The following EEFSEC variants were observed in gnomAD, a reference collection of about 807,000 sequenced individuals.
The protein encoded by EEFSEC is selenocysteine-specific elongation factor.
In EEFSEC, 43 loss-of-function variants were observed where a neutral mutation model predicts 42.1. That is an observed-to-expected ratio of 1.02 (90% CI 0.80 to 1.32). The LOEUF (loss-of-function observed/expected upper bound fraction) is 1.32, where lower values mean the gene tolerates loss of function less well. Among genes scored for constraint, EEFSEC ranks in the 40% most tolerant of loss-of-function variants. The pLI is 0.00. For missense variants in EEFSEC, 745 were observed against 803.6 expected, an observed-to-expected ratio of 0.93 and a Z score of 0.88; for synonymous variants, 354 against 339.1, an observed-to-expected ratio of 1.04 and a Z score of -0.48.
chr3:128,313,447 G>T (rs969415468), intron 4 of EEFSEC, among the ~76,000 whole-genome samples: 2 of 152,196 alleles, frequency 1.3e-5, no homozygotes, highest in Non-Finnish European at 2.9e-5. Context: ...TAGTGACCAG[G>T]CTGCATCTTC....
intron 2 of EEFSEC, among the ~76,000 whole-genome samples, chr3:128,258,671 AT>A (rs2066266803): frequency 6.6e-6 from 1 of 152,236 alleles, no homozygotes; most frequent in Non-Finnish European, 1.5e-5. Flanking sequence ...TATGTCTGCA[AT>A]TTGAAAGTGA....
At chr3:128,369,749 ATAC>A (rs2067631353) in intron 6 of EEFSEC, among the ~76,000 whole-genome samples, 1 of 152,218 alleles carries the variant, frequency 6.6e-6, no homozygotes, top group Non-Finnish European at 1.5e-5. Context: ...AATTTCAAAC[ATAC>A]TGAAGAGTGG....
chr3:128,213,013 A>G (rs1261843131), intron 1 of EEFSEC, among the ~76,000 whole-genome samples: 2 of 152,194 alleles, frequency 1.3e-5, no homozygotes, highest in African/African-American at 4.8e-5. Context: ...TCATGTTTTA[A>G]TAGCAAATCT....
At chr3:128,269,569 C>T (rs1192759845) in intron 4 of EEFSEC, among the ~76,000 whole-genome samples, 1 of 152,234 alleles carries the variant, frequency 6.6e-6, no homozygotes, top group Non-Finnish European at 1.5e-5. Context: ...CGCTTGAACT[C>T]CCTTGGAGGC....
At chr3:128,400,609 A>G (rs1446164008) in intron 6 of EEFSEC, among the ~76,000 whole-genome samples, 1 of 152,248 alleles carries the variant, frequency 6.6e-6, no homozygotes, top group African/African-American at 2.4e-5. Flanking sequence ...CCACAGGGCC[A>G]CAAAGGGGCC....
downstream of EEFSEC, among the ~76,000 whole-genome samples, chr3:128,408,890 A>G (rs576653020): frequency 6.6e-6 from 1 of 152,302 alleles, no homozygotes; most frequent in Admixed American, 6.5e-5. Flanking sequence ...GGTCCAGGGA[A>G]GGTACCCACA....
Position 128,323,415 on chromosome 3 carries a change from A to G in EEFSEC, c.787-17818A>G, listed in dbSNP as rs112536185. On this transcript the variant is annotated intron_variant, in intron 4 of 6. Transcript: ENST00000254730. Reference sequence around the variant, plus strand: ...CTTGGGCTGTGGTGGAGCCCATGCCATTCTGTCGGCTCTGGCCCGGAACTG... The same window carrying G: ...CTTGGGCTGTGGTGGAGCCCATGCCGTTCTGTCGGCTCTGGCCCGGAACTG... 6.8e-3 allele frequency among the ~76,000 whole-genome samples: 1,043 copies of G among 152,298 alleles called. 6 individuals carry two copies. Among genetic ancestry groups the G allele is most frequent in the Non-Finnish European group, 0.011 (743 of 68,032 alleles).
chr3:128,275,370 CT>C (rs907899096), intron 4 of EEFSEC, among the ~76,000 whole-genome samples: 2 of 152,232 alleles, frequency 1.3e-5, no homozygotes, highest in African/African-American at 4.8e-5. Flanking sequence ...TGGAAGCAAG[CT>C]CTGATTCAGA....
At chr3:128,177,279 G>A (rs1230213539) in intron 1 of EEFSEC, among the ~76,000 whole-genome samples, 1 of 151,948 alleles carries the variant, frequency 6.6e-6, no homozygotes, top group Non-Finnish European at 1.5e-5. Context: ...ATATTTTTAG[G>A]GTCTGAGCCA....
intron 1 of EEFSEC, among the ~76,000 whole-genome samples, chr3:128,170,899 CT>C (rs1179404945): frequency 1.3e-5 from 2 of 152,312 alleles, no homozygotes; most frequent in Admixed American, 1.3e-4. Flanking sequence ...TATGTTTGGT[CT>C]GATTTCTTCA....
intron 4 of EEFSEC, among the ~76,000 whole-genome samples, chr3:128,280,423 CT>C (rs1448710741): frequency 6.6e-6 from 1 of 152,274 alleles, no homozygotes; most frequent in Non-Finnish European, 1.5e-5. Context: ...TCTCACCTCC[CT>C]TGTGCCCTCA....
At chr3:128,255,262 C>G (rs192095220) in intron 2 of EEFSEC, among the ~76,000 whole-genome samples, 18 of 151,866 alleles carry the variant, frequency 1.2e-4, no homozygotes, top group African/African-American at 4.3e-4. Context: ...AAGGGCCTCT[C>G]GGGGACGTGA....
chr3:128,300,241 C>T (rs1324658573), intron 4 of EEFSEC, among the ~76,000 whole-genome samples: 2 of 152,192 alleles, frequency 1.3e-5, no homozygotes, highest in African/African-American at 2.4e-5. Flanking sequence ...ATTCTTGACT[C>T]CAGCACTGTA....
intron 4 of EEFSEC, among the ~76,000 whole-genome samples, chr3:128,324,355 C>T (rs1256927587): frequency 1.3e-5 from 2 of 152,132 alleles, no homozygotes. Context: ...GATTTATTCT[C>T]CTCTGCCATG....
intron 4 of EEFSEC, among the ~76,000 whole-genome samples, chr3:128,278,797 G>T (rs1274743413): frequency 1.3e-5 from 2 of 152,112 alleles, no homozygotes; most frequent in Non-Finnish European, 2.9e-5. Context: ...GGTATTTCTA[G>T]GGACACTCTG....
chr3:128,413,650 G>C, the EEFSEC span, among the ~76,000 whole-genome samples: 2 of 152,182 alleles, frequency 1.3e-5, no homozygotes, highest in Non-Finnish European at 2.9e-5. Flanking sequence ...CAGTGCAGCA[G>C]AGAGAAACGG....
chr3:128,339,775 A>T (rs988891974), intron 4 of EEFSEC, among the ~76,000 whole-genome samples: 1 of 152,118 alleles, frequency 6.6e-6, no homozygotes, highest in African/African-American at 2.4e-5. Context: ...TTATTTTTTA[A>T]AAAAAAGAGG....
chr3:128,153,967 G>T, intron 1 of EEFSEC, 144 bp downstream of exon 1: 1 of 1,248,624 alleles, frequency 8.0e-7, no homozygotes, highest in South Asian at 1.7e-5. Flanking sequence ...AGAGGCGGAC[G>T]TGACTTGCCT....
intron 1 of EEFSEC, among the ~76,000 whole-genome samples, chr3:128,164,499 G>A (rs1429262566): frequency 6.6e-6 from 1 of 152,196 alleles, no homozygotes; most frequent in Admixed American, 6.5e-5. Context: ...CCAGAGGCAT[G>A]GAAGCAGCCC....
Sources: gnomAD v4.1 joint callset for allele counts (sites outside exome capture counted in the v4.1 genomes callset) on GRCh38, gnomAD v4.1.1 for gene constraint, MANE v1.5 for transcripts, NCBI Gene and HGNC (gene_info 2026-07-23, HGNC 2026-07-21) for gene names.